Variants in TATDN2 observed in about 807,000 individuals in gnomAD.
TATDN2 encodes TatD DNase domain containing 2, also known as 3'-5' RNA nuclease TATDN2.
In TATDN2, 44 loss-of-function variants were observed where a neutral mutation model predicts 60.3. The observed-to-expected ratio is 0.73, with a 90% CI of 0.57 to 0.94. The LOEUF is 0.94. TATDN2 is among the 40% of genes least tolerant of loss of function. TATDN2 has a pLI of 0.00. For synonymous variants in TATDN2, 399 were observed against 355.8 expected (o/e 1.12, Z -1.37); for missense variants, 997 against 948.0 (o/e 1.05, Z -0.68).
intron 2 of TATDN2, among the ~76,000 whole-genome samples, chr3:10,252,170 T>A (rs1163871014): frequency 7.0e-6 from 1 of 142,998 alleles, no homozygotes; most frequent in African/African-American, 2.8e-5. Context: ...AAAAAAAAAT[T>A]TTTTTTTTTG....
Position 10,249,050 on chromosome 3 carries a change from T to A in TATDN2, c.-24T>A. The A allele has an allele frequency of 1.2e-6, 1 of 868,770 alleles. No individual in the cohort carries two copies. The highest frequency in any genetic ancestry group is 1.6e-6 in the Non-Finnish European group (1 of 621,674). The allele number at this position is 868,770 out of a possible 1,614,324, so 53.8% of individuals were successfully genotyped here. A position where few individuals can be genotyped will look rare whatever the true frequency, so the allele number is the denominator to read the frequency against. ...AAACCTTGAGAACTGTGATGGGCAGTGGAAAGAAGAGGGAAAGGTCAGTGA... is the reference window on the plus strand; with the variant it reads ...AAACCTTGAGAACTGTGATGGGCAGAGGAAAGAAGAGGGAAAGGTCAGTGA... On this transcript the variant is annotated 5_prime_UTR_variant, in exon 1 of 8. Transcript: ENST00000448281.
intron 2 of TATDN2, among the ~76,000 whole-genome samples, chr3:10,258,526 A>G (rs1183633138): frequency 6.6e-6 from 1 of 150,734 alleles, no homozygotes; most frequent in Non-Finnish European, 1.5e-5. Context: ...GCTGGAGGGC[A>G]GTGGCACGAT....
chr3:10,257,841 A>ATTTTTTTTTTTTTTTTTTTTTTTTTTTT lies in TATDN2; in HGVS notation c.415-2288_415-2261dup, dbSNP rs553265148. On this transcript the variant is annotated intron_variant, in intron 2 of 7. Coordinates refer to ENST00000448281, the MANE Select transcript of TATDN2 (RefSeq NM_014760.4). The stretch of plus-strand genomic sequence containing the variant: ...AAGTATAGATTTCTAAAGGTTTATG[A>ATTTTTTTTTTTTTTTTTTTTTTTTTTTT]TTTTTTTTTTTTTTTTTTTTTTTTT... Among the ~76,000 whole-genome samples, 25 of 30,300 alleles carry ATTTTTTTTTTTTTTTTTTTTTTTTTTTT rather than the reference A, an allele frequency of 8.3e-4. 7 individuals carry two copies. Among genetic ancestry groups the ATTTTTTTTTTTTTTTTTTTTTTTTTTTT allele is most frequent in the Non-Finnish European group, 9.0e-4 (13 of 14,386 alleles). 19.9% of individuals were successfully genotyped at this position (30,300 alleles called of 152,430 possible).
At chr3:10,276,582 C>CT (rs1698641165) in intron 5 of TATDN2, 94 bp downstream of exon 5, 1 of 1,443,254 alleles carries the variant, frequency 6.9e-7, no homozygotes, top group Non-Finnish European at 9.2e-7. Context: ...TCATTATACA[C>CT]TATCTATTCT....
chr3:10,274,435 G>T (rs906850764), intron 4 of TATDN2, among the ~76,000 whole-genome samples: 1 of 152,176 alleles, frequency 6.6e-6, no homozygotes, highest in African/African-American at 2.4e-5. Flanking sequence ...TTTTCTACTC[G>T]TGAAATTTTC....
chr3:10,276,438 T>C lies in TATDN2; in HGVS notation c.1911T>C (p.Asp637=). ...TCCACTGCCGAGAAGCTGATGAAGATCTGCTAGAAATCATGAAAAAGTTTG... is the reference window on the plus strand; with the variant it reads ...TCCACTGCCGAGAAGCTGATGAAGACCTGCTAGAAATCATGAAAAAGTTTG... The part of the protein sequence containing the change: ...LVIHCREADE[D]LLEIMKKFVP... Residue 637 remains aspartate (D), a synonymous_variant, in exon 5 of 8, where the codon GAT becomes GAC. Coordinates refer to ENST00000448281, the MANE Select transcript of TATDN2 (RefSeq NM_014760.4). The C allele has an allele frequency of 3.7e-6, 6 of 1,614,064 alleles. No individual in the cohort carries two copies. The highest frequency in any genetic ancestry group is 5.1e-6 in the Non-Finnish European group (6 of 1,179,986).
chr3:10,261,496 G>C (rs1391679363), intron 3 of TATDN2, among the ~76,000 whole-genome samples: 4 of 151,704 alleles, frequency 2.6e-5, no homozygotes, highest in African/African-American at 9.7e-5. Context: ...TCAGCCTCCT[G>C]AGTAGCTGGG....
intron 5 of TATDN2, among the ~76,000 whole-genome samples, chr3:10,276,790 T>C (rs2125181916): frequency 6.6e-6 from 1 of 152,302 alleles, no homozygotes; most frequent in East Asian, 1.9e-4. Flanking sequence ...GGTTTTGCCA[T>C]GTTGGCCAGG....
chr3:10,263,251 T>G (rs1295634739), intron 3 of TATDN2, among the ~76,000 whole-genome samples: 1 of 152,020 alleles, frequency 6.6e-6, no homozygotes, highest in Non-Finnish European at 1.5e-5. Context: ...TATTTTGATC[T>G]CAGGGCTCTG....
Position 10,278,386 on chromosome 3 carries a change from C to G in TATDN2, c.2069C>G (p.Ala690Gly). 4 of 1,614,192 alleles carry G rather than the reference C, an allele frequency of 2.5e-6. No homozygotes were observed. The South Asian group carries it at 4.4e-5, about 18-fold the overall frequency. The change falls in exon 6 of 8, where the codon GCC becomes GGC. Residue 690 changes from alanine (A) to glycine (G), a missense_variant. Coordinates refer to ENST00000448281, the MANE Select transcript of TATDN2 (RefSeq NM_014760.4). This position sits in a 1 kb window ranked among gnomAD's most constrained non-coding sequence, Gnocchi z 4.7. The part of the protein sequence containing the change: ...AVLTYSSAWE[A>G]REALRQIPLE... ...CTGACATACTCCTCTGCCTGGGAGG[C>G]CCGGGAAGCCTTGAGGCAGATCCCA...
In TATDN2 at chr3:10,249,368, A is replaced by G. The variant is rs777106408; in HGVS notation, c.168A>G (p.Lys56=). The change falls in exon 2 of 8, where the codon AAA becomes AAG. Residue 56 remains lysine (K), a synonymous_variant. Coordinates refer to ENST00000448281, the MANE Select transcript of TATDN2 (RefSeq NM_014760.4). ...GGCCCAGCAGCCCCAAGCGCCTGAA[A>G]GCCCAGAAGGAGGACGATGTGGCTT... The part of the protein sequence containing the change: ...SGGPSSPKRL[K]AQKEDDVACS... 2 of 1,612,896 alleles carry G rather than the reference A, an allele frequency of 1.2e-6. No homozygotes were observed. The highest frequency in any genetic ancestry group is 1.7e-6 in the Non-Finnish European group (2 of 1,179,270).
In TATDN2 at chr3:10,248,976, A is replaced by G. The variant is rs892076147; in HGVS notation, c.-98A>G. 25 of 448,196 alleles carry G rather than the reference A, an allele frequency of 5.6e-5. No homozygotes were observed. The highest frequency in any genetic ancestry group is 8.2e-5 in the Non-Finnish European group (22 of 268,890). 27.8% of individuals were successfully genotyped at this position (448,196 alleles called of 1,614,324 possible). A position where few individuals can be genotyped will look rare whatever the true frequency, so the allele number is the denominator to read the frequency against. On this transcript the variant is annotated 5_prime_UTR_variant, in exon 1 of 8. Coordinates refer to ENST00000448281, the MANE Select transcript of TATDN2 (RefSeq NM_014760.4). The stretch of plus-strand genomic sequence containing the variant: ...GGCTTGGAAACCGACGGCAGCCTTT[A>G]GTCAATTTTGGATCGCTTTGACTTC...
Position 10,252,518 on chromosome 3 carries a change from C to A in TATDN2, c.414+2904C>A, listed in dbSNP as rs1018224002. Among the ~76,000 whole-genome samples the A allele has an allele frequency of 1.1e-4, 16 of 152,132 alleles. No homozygotes were observed. The South Asian group carries it at 1.2e-3, about 12-fold the overall frequency. On this transcript the variant is annotated intron_variant, in intron 2 of 7. Transcript: ENST00000448281. Reference sequence around the variant, plus strand: ...TTGATGAATTACAAAACACCTCTTACCTTCCACCTTCATCTGTACCTCTTC... The same window carrying A: ...TTGATGAATTACAAAACACCTCTTAACTTCCACCTTCATCTGTACCTCTTC...
chr3:10,275,948 G>A (rs974671304), intron 4 of TATDN2, among the ~76,000 whole-genome samples: 2 of 152,156 alleles, frequency 1.3e-5, no homozygotes, highest in Non-Finnish European at 2.9e-5. Context: ...GAGCGGAGGT[G>A]GGGACAGTGA....
chr3:10,255,012 A>ACTTCCCC (rs1698286179), intron 2 of TATDN2, among the ~76,000 whole-genome samples: 2 of 39,086 alleles, frequency 5.1e-5, no homozygotes, highest in Non-Finnish European at 5.3e-5. Flanking sequence ...CCCACTTCCC[A>ACTTCCCC]CTCCCCCTCC....
chr3:10,250,643 CAT>C (rs1319004736), intron 2 of TATDN2, among the ~76,000 whole-genome samples: 10 of 152,200 alleles, frequency 6.6e-5, no homozygotes, highest in African/African-American at 2.4e-4. Context: ...CTTGGGGACT[CAT>C]AGGCTAAGTG....
chr3:10,261,372 T>C (rs1698400268), intron 3 of TATDN2, among the ~76,000 whole-genome samples: 1 of 151,592 alleles, frequency 6.6e-6, no homozygotes, highest in Non-Finnish European at 1.5e-5. Flanking sequence ...TTTCTTTTTT[T>C]TTTTTTTTTT....
Position 10,276,507 on chromosome 3 carries a change from C to T in TATDN2, c.1961+19C>T. 3 of 1,612,112 alleles carry T rather than the reference C, an allele frequency of 1.9e-6. No homozygotes were observed. Among genetic ancestry groups the T allele is most frequent in the Non-Finnish European group, 2.5e-6 (3 of 1,179,374 alleles). Reference sequence around the variant, plus strand: ...TCCATAGGTTAGAAGACTGGAACTTCAGCGGGCAAATGAAAGAAACACTTC... The same window carrying T: ...TCCATAGGTTAGAAGACTGGAACTTTAGCGGGCAAATGAAAGAAACACTTC... On this transcript the variant is annotated intron_variant, in intron 5 of 7. Coordinates refer to ENST00000448281, the MANE Select transcript of TATDN2 (RefSeq NM_014760.4).
rs1265578147 is a variant in TATDN2, at chr3:10,278,940, G to C, written c.2201G>C (p.Arg734Pro). The change falls in exon 7 of 8, where the codon CGA (arginine) becomes CCA (proline). Residue 734 changes from arginine to proline, a missense_variant. Coordinates refer to ENST00000448281, the MANE Select transcript of TATDN2 (RefSeq NM_014760.4). This position sits in a 1 kb window ranked among gnomAD's most constrained non-coding sequence, Gnocchi z 4.7. Reference sequence around the variant, plus strand: ...CCGGGCCTGGCCTTGCATACGGTCCGAGAGATTGCCAGAGTCAAAGATCAG... The same window carrying C: ...CCGGGCCTGGCCTTGCATACGGTCCCAGAGATTGCCAGAGTCAAAGATCAG... ...AHPGLALHTV[R>P]EIARVKDQPL... 6.2e-7 allele frequency: 1 copy of C among 1,613,610 alleles called. No homozygotes were observed. The highest frequency in any genetic ancestry group is 1.7e-5 in the Admixed American group (1 of 59,812).
Sources: gnomAD v4.1 joint callset for allele counts (sites outside exome capture counted in the v4.1 genomes callset) on GRCh38, gnomAD v4.1.1 for gene constraint, Gnocchi (gnomAD v3.1) non-coding constraint, MANE v1.5 for transcripts, NCBI Gene and HGNC (gene_info 2026-07-23, HGNC 2026-07-21) for gene names.